The following PCDH15 variants were observed in gnomAD, a reference collection of about 807,000 sequenced individuals.
PCDH15 encodes protocadherin-15.
PCDH15 carries 129 observed loss-of-function variants against 178.5 expected under a neutral mutation model. The ratio of observed to expected loss-of-function variants is 0.72; its 90% CI spans 0.63 to 0.84. PCDH15 has a LOEUF of 0.84. Among genes scored for constraint, PCDH15 ranks in the 40% least tolerant of loss-of-function variants. The probability of loss-of-function intolerance (pLI) is 0.00; values close to 1 mark genes in which losing one functional copy is unlikely to be tolerated. For missense variants in PCDH15, 2,230 were observed against 2,099.9 expected (o/e 1.06, Z -1.21); for synonymous variants, 800 against 732.0 (o/e 1.09, Z -1.50).
intron 2 of PCDH15, among the ~76,000 whole-genome samples, chr10:55,088,893 A>T (rs1842246220): frequency 6.6e-6 from 1 of 152,136 alleles, no homozygotes; most frequent in South Asian, 2.1e-4. Flanking sequence ...TATCAGTTTG[A>T]ATTTTAAATA....
At chr10:53,888,977 T>C (rs1376240725) in intron 26 of PCDH15, among the ~76,000 whole-genome samples, 1 of 149,892 alleles carries the variant, frequency 6.7e-6, no homozygotes, top group Admixed American at 6.7e-5. Context: ...AGAAAAAAAA[T>C]GGTCTCTTTA....
intron 3 of PCDH15, among the ~76,000 whole-genome samples, chr10:54,524,734 G>T (rs952695843): frequency 6.6e-5 from 10 of 152,040 alleles, no homozygotes; most frequent in Admixed American, 2.0e-4. Flanking sequence ...TACTAAATAC[G>T]CTCTACATGC....
At chr10:54,963,870 C>CA (rs1838716582) in intron 2 of PCDH15, among the ~76,000 whole-genome samples, 1 of 152,162 alleles carries the variant, frequency 6.6e-6, no homozygotes, top group African/African-American at 2.4e-5. Flanking sequence ...ATCACTGTGA[C>CA]AAAAATTGCC....
intron 25 of PCDH15, among the ~76,000 whole-genome samples, chr10:53,908,361 G>T (rs1183607667): frequency 1.3e-5 from 2 of 152,304 alleles, no homozygotes. Flanking sequence ...AGATAAAATG[G>T]AAAGTTTCCA....
At chr10:55,053,731 C>G (rs1447361261) in intron 2 of PCDH15, among the ~76,000 whole-genome samples, 1 of 152,126 alleles carries the variant, frequency 6.6e-6, no homozygotes, top group African/African-American at 2.4e-5. Flanking sequence ...GGTACAAGCA[C>G]CTCACAGAGT....
intron 2 of PCDH15, among the ~76,000 whole-genome samples, chr10:55,472,093 C>T (rs372205118): frequency 1.3e-5 from 2 of 152,126 alleles, no homozygotes; most frequent in African/African-American, 4.8e-5. Flanking sequence ...GTAACTTGCT[C>T]GTTAGTACAA....
intron 2 of PCDH15, among the ~76,000 whole-genome samples, chr10:54,992,826 AG>A (rs1839536848): frequency 6.6e-6 from 1 of 151,894 alleles, no homozygotes; most frequent in African/African-American, 2.4e-5. Context: ...TTTCCTTGCT[AG>A]CTTTTGGGTC....
chr10:54,194,740 C>CTATCTA (rs1554833373), intron 11 of PCDH15, among the ~76,000 whole-genome samples: 20 of 151,102 alleles, frequency 1.3e-4, no homozygotes, highest in African/African-American at 4.1e-4. Context: ...ATCTATCTAT[C>CTATCTA]TATATATATA....
At chr10:54,135,219 T>A (rs985608186) in intron 14 of PCDH15, among the ~76,000 whole-genome samples, 1 of 102,004 alleles carries the variant, frequency 9.8e-6, no homozygotes, top group African/African-American at 3.2e-5. Flanking sequence ...AAAAAAAAAT[T>A]TCATGCTTAC....
At chr10:54,995,483 G>A (rs551732663) in intron 2 of PCDH15, among the ~76,000 whole-genome samples, 1 of 150,398 alleles carries the variant, frequency 6.6e-6, no homozygotes. Context: ...CTGGTATATT[G>A]TATGAATCCC....
chr10:55,539,692 A>G (rs1841712492), intron 2 of PCDH15, among the ~76,000 whole-genome samples: 2 of 152,238 alleles, frequency 1.3e-5, no homozygotes, highest in South Asian at 4.1e-4. Flanking sequence ...TTCAAAGACT[A>G]AAGTTAAGCT....
intron 2 of PCDH15, among the ~76,000 whole-genome samples, chr10:54,546,680 G>T (rs542203963): frequency 1.3e-5 from 2 of 152,224 alleles, no homozygotes; most frequent in Admixed American, 1.3e-4. Context: ...ACTGTAATGT[G>T]AAATCTGTTT....
chr10:54,936,500 C>T (rs762544622), intron 2 of PCDH15, among the ~76,000 whole-genome samples: 7 of 151,904 alleles, frequency 4.6e-5, no homozygotes, highest in Non-Finnish European at 1.0e-4. Context: ...CAGCCAACAA[C>T]GTGTAGAGAT....
At chr10:54,202,423 A>C (rs1038369220) in intron 10 of PCDH15, among the ~76,000 whole-genome samples, 1 of 152,108 alleles carries the variant, frequency 6.6e-6, no homozygotes, top group Non-Finnish European at 1.5e-5. Flanking sequence ...ACCAGAGGTA[A>C]GGGACAGATA....
intron 2 of PCDH15, among the ~76,000 whole-genome samples, chr10:55,402,329 T>C (rs1489129654): frequency 3.3e-5 from 5 of 152,060 alleles, no homozygotes; most frequent in Admixed American, 6.6e-5. Context: ...GTATTTACAA[T>C]ATTCATCACT....
chr10:54,310,779 C>G (rs9416304), intron 8 of PCDH15, among the ~76,000 whole-genome samples: 1,982 of 151,760 alleles, frequency 0.013, 32 homozygotes, highest in African/African-American at 0.039. Flanking sequence ...AAGAGAGAAG[C>G]CTTGGAACTC....
chr10:55,260,260 T>C (rs1027661941), intron 1 of PCDH15, among the ~76,000 whole-genome samples: 2 of 151,990 alleles, frequency 1.3e-5, no homozygotes, highest in Non-Finnish European at 2.9e-5. Flanking sequence ...TTGGTACAAT[T>C]TCATATTCTA....
intron 2 of PCDH15, among the ~76,000 whole-genome samples, chr10:55,502,680 C>T (rs1170335190): frequency 6.6e-6 from 1 of 151,576 alleles, no homozygotes; most frequent in Non-Finnish European, 1.5e-5. Flanking sequence ...TAGGCTCTAA[C>T]AGTAATTGGG....
chr10:55,340,017 G>A (rs2131952464), intron 2 of PCDH15, among the ~76,000 whole-genome samples: 1 of 151,392 alleles, frequency 6.6e-6, no homozygotes, highest in Non-Finnish European at 1.5e-5. Context: ...ATTCTGTAGA[G>A]CATTATACAA....
Sources: allele counts gnomAD v4.1 joint callset (sites outside exome capture counted in the v4.1 genomes callset), GRCh38; gene constraint gnomAD v4.1.1; transcripts MANE v1.5; gene names NCBI Gene and HGNC (gene_info 2026-07-23, HGNC 2026-07-21).